The following ANKS3 variants were observed in gnomAD, a reference collection of about 807,000 sequenced individuals.
The protein encoded by ANKS3 is ankyrin repeat and sterile alpha motif domain containing 3, also known as ankyrin repeat and SAM domain-containing protein 3.
A neutral mutation model predicts 80.7 loss-of-function variants in ANKS3; 62 were observed. The observed-to-expected ratio is 0.77, with a 90% confidence interval of 0.63 to 0.95. ANKS3 has a LOEUF of 0.95. Ranked by LOEUF, ANKS3 falls within the 40% of genes least tolerant of loss-of-function variation. The probability of loss-of-function intolerance (pLI) is 0.00; values close to 1 mark genes in which losing one functional copy is unlikely to be tolerated. For synonymous variants in ANKS3, 489 were observed against 355.3 expected (o/e 1.38, Z -4.23); for missense variants, 1,150 against 883.6 (o/e 1.30, Z -3.82).
In ANKS3 at chr16:4,696,961, G is replaced by A. The variant is rs143634188; in HGVS notation, c.*11+56C>T. The A allele has an allele frequency of 1.1e-3, 1,766 of 1,555,444 alleles. 27 individuals are homozygous for A. The South Asian group carries it at 0.018, about 16-fold the overall frequency. On this transcript the variant is annotated intron_variant, in intron 17 of 17. Coordinates refer to ENST00000304283, the MANE Select transcript of ANKS3 (RefSeq NM_133450.4). ...TGGGTGCATACCCACACCTGCAGCC[G>A]CCCAGACAGGCCCTGCTGCTCCCAC...
intron 7 of ANKS3, among the ~76,000 whole-genome samples, chr16:4,713,043 G>T (rs2080579627): frequency 6.6e-6 from 1 of 152,136 alleles, no homozygotes; most frequent in East Asian, 1.9e-4. Flanking sequence ...GCTGAGATGG[G>T]TGGATCACCT....
rs921375755 is a variant in ANKS3, at chr16:4,720,550, G to T, written c.573+4200C>A. 1.3e-5 allele frequency among the ~76,000 whole-genome samples: 2 copies of T among 151,086 alleles called. 1 individual carries two copies. The highest frequency in any genetic ancestry group is 3.0e-5 in the Non-Finnish European group (2 of 67,698). On this transcript the variant is annotated intron_variant, in intron 6 of 17. Transcript: ENST00000304283. ...AAGCAAGTTTACACTACCCACTACC[G>T]ACTGAACCCACCTCACACAACAAAG...
At position 4,702,208 on chromosome 16, in the gene ANKS3, G is replaced by A. The variant is rs2079953844; in HGVS notation, c.903C>T (p.Asn301=). Residue 301 remains asparagine (N), a synonymous_variant, in exon 9 of 18, where the codon AAC becomes AAT. Transcript: ENST00000304283. ...CTTCCAGGGGGTTCTCGCCACTGCT[G>A]TTGAAGGTGACATAGCCACGGGGAG... ...QAPPRGYVTF[N]SSGENPLEEE... is the part of the protein sequence containing the mutation. 1 of 1,588,906 alleles carries A rather than the reference G, an allele frequency of 6.3e-7. No homozygotes were observed. The highest frequency in any genetic ancestry group is 1.1e-5 in the South Asian group (1 of 88,692).
chr16:4,697,205 G>A (rs1157164962), intron 16 of ANKS3, 101 bp from the exon 17 acceptor site: 28 of 1,554,806 alleles, frequency 1.8e-5, no homozygotes, highest in Admixed American at 3.4e-5. Flanking sequence ...CCCCTCACCC[G>A]TTATGGCCCC....
At chr16:4,726,211 C>G (rs1002797568) in intron 5 of ANKS3, among the ~76,000 whole-genome samples, 4 of 151,966 alleles carry the variant, frequency 2.6e-5, no homozygotes, top group African/African-American at 9.7e-5. Context: ...CTCCTGACCT[C>G]GTGATCTGCC....
intron 6 of ANKS3, among the ~76,000 whole-genome samples, chr16:4,715,996 G>A (rs1444403194): frequency 2.6e-5 from 4 of 151,958 alleles, no homozygotes; most frequent in Admixed American, 6.6e-5. Flanking sequence ...AGCGCCTCCC[G>A]CCCATTTACG....
chr16:4,701,765 G>A, intron 9 of ANKS3: 1 of 528,888 alleles, frequency 1.9e-6, no homozygotes. Context: ...ACCCGGAGCA[G>A]TGCTTGGCAC....
At chr16:4,711,531 CAACATGGAGAAACCCTGTCTCTACTAAA>C (rs2080483784) in intron 7 of ANKS3, among the ~76,000 whole-genome samples, 1 of 151,654 alleles carries the variant, frequency 6.6e-6, no homozygotes, top group African/African-American at 2.4e-5. Flanking sequence ...CCAGCCCGGC[CAACATGGAGAAACCCTGTCTCTACTAAA>C]AACATAAAAT....
rs1415565824 is a variant in ANKS3 at position 4,699,846 on chromosome 16, A to C, written c.1285-670T>G. The C allele has an allele frequency of 4.2e-5, 5 of 118,548 alleles. No homozygotes were observed. In the East Asian group the frequency reaches 1.5e-3, roughly 35 times the overall value. 7.3% of individuals were successfully genotyped at this position (118,548 alleles called of 1,614,324 possible). On this transcript the variant is annotated intron_variant, in intron 11 of 17. Coordinates refer to ENST00000304283, the MANE Select transcript of ANKS3 (RefSeq NM_133450.4). ...AATTCTGCTGTGAGCTCGTCTAGTG[A>C]TATTTTCATTTCATTTACTTTTCAA...
intron 16 of ANKS3, 47 bp from the exon 17 acceptor site, chr16:4,697,151 C>T: frequency 1.3e-6 from 2 of 1,597,506 alleles, no homozygotes; most frequent in Non-Finnish European, 8.5e-7. Flanking sequence ...CTCAGGAGGG[C>T]TGGGTGGTGC....
rs552121824 is a variant in ANKS3 at position 4,713,976 on chromosome 16, T to G, written c.709+75A>C. 1.2e-4 allele frequency: 190 copies of G among 1,563,786 alleles called. No homozygotes were observed. The South Asian group carries it at 2.0e-3, about 16-fold the overall frequency. On this transcript the variant is annotated intron_variant, in intron 7 of 17. Coordinates refer to ENST00000304283, the MANE Select transcript of ANKS3 (RefSeq NM_133450.4). ...GTGGGAGCCGGGGAAGCGGGGGACATCTTTCTCTGCCAGGTCACCTAAAGC... is the reference window on the plus strand; with the variant it reads ...GTGGGAGCCGGGGAAGCGGGGGACAGCTTTCTCTGCCAGGTCACCTAAAGC...
Position 4,696,912 on chromosome 16 carries a change from C to A in ANKS3, c.*12-16G>T, listed in dbSNP as rs1336149264. On this transcript the variant is annotated splice_polypyrimidine_tract_variant and intron_variant, in intron 17 of 17. Transcript: ENST00000304283. ...ACGTCAGATTCTGAAAGAAAAAGCC[C>A]CGGTGAGAAGGGAGGGGGACAGGTG... 3.8e-6 allele frequency: 4 copies of A among 1,050,340 alleles called. No individual in the cohort carries two copies. The highest frequency in any genetic ancestry group is 4.3e-6 in the Non-Finnish European group (3 of 701,846). The allele number at this position is 1,050,340 out of a possible 1,614,324, so 65.1% of individuals were successfully genotyped here. A position where few individuals can be genotyped will look rare whatever the true frequency, so the allele number is the denominator to read the frequency against.
chr16:4,720,786 A>C (rs1288733150), intron 6 of ANKS3, among the ~76,000 whole-genome samples: 1 of 150,352 alleles, frequency 6.7e-6, no homozygotes. Flanking sequence ...AAAAATACAA[A>C]ATTAGCTGGG....
intron 2 of ANKS3, 63 bp from the exon 3 acceptor site, chr16:4,730,214 C>G: frequency 7.1e-7 from 1 of 1,402,134 alleles, no homozygotes; most frequent in African/African-American, 1.5e-5. Context: ...ATGAAACAGG[C>G]TGGTCCTGCC....
chr16:4,699,132 C>T lies in ANKS3; in HGVS notation c.1329G>A (p.Leu443=). ...CCACGTCCTGCTCCTCAAACACCTGCAGGTACTTCAGACACCCGATCTGCT... is the reference window on the plus strand; with the variant it reads ...CCACGTCCTGCTCCTCAAACACCTGTAGGTACTTCAGACACCCGATCTGCT... ...LLEQIGCLKY[L]QVFEEQDVDL... is the part of the protein sequence containing the mutation. Residue 443 remains leucine, a synonymous_variant, in exon 12 of 18, where the codon CTG becomes CTA. Transcript: ENST00000304283. 1 of 1,614,138 alleles carries T rather than the reference C, an allele frequency of 6.2e-7. No homozygotes were observed. Among genetic ancestry groups the T allele is most frequent in the Non-Finnish European group, 8.5e-7 (1 of 1,180,042 alleles).
chr16:4,714,917 G>A (rs188018706), intron 6 of ANKS3, among the ~76,000 whole-genome samples: 62 of 149,062 alleles, frequency 4.2e-4, no homozygotes, highest in East Asian at 1.4e-3. Flanking sequence ...GCTTGAACCC[G>A]GGAAGCGGAG....
intron 7 of ANKS3, among the ~76,000 whole-genome samples, chr16:4,713,471 T>C (rs937123212): frequency 2.0e-5 from 3 of 152,104 alleles, no homozygotes; most frequent in East Asian, 3.8e-4. Context: ...GATATAATGA[T>C]AGGGAAAACC....
Position 4,697,390 on chromosome 16 carries a change from G to A in ANKS3, c.1837C>T (p.Gln613Ter). The change falls in exon 16 of 18, where the codon CAG (glutamine) becomes TAG (stop). Residue 613 changes from glutamine (Q) to a stop codon, truncating the protein, a stop_gained. Coordinates refer to ENST00000304283, the MANE Select transcript of ANKS3 (RefSeq NM_133450.4). LOFTEE classifies it high-confidence loss of function. ...GAGAGCTCGGGGAGGCTCATGGCCT[G>A]CAGGGACGCTTGCCAGCCCTTGGAG... is the stretch of plus-strand genomic sequence containing the variant. ...ADSKGWQASLQAMSLPELSGA... is the reference protein window; with the variant it reads ...ADSKGWQASL The A allele has an allele frequency of 6.2e-7, 1 of 1,609,388 alleles. No homozygotes were observed.
chr16:4,712,258 C>G (rs1378923036), intron 7 of ANKS3, among the ~76,000 whole-genome samples: 1 of 151,994 alleles, frequency 6.6e-6, no homozygotes, highest in Admixed American at 6.6e-5. Context: ...GTGATCCCAG[C>G]TACTCGGGAG....
Sources: gnomAD v4.1 joint callset for allele counts (sites outside exome capture counted in the v4.1 genomes callset) on GRCh38, gnomAD v4.1.1 for gene constraint, MANE v1.5 for transcripts, NCBI Gene and HGNC (gene_info 2026-07-23, HGNC 2026-07-21) for gene names.